Variants in FBXL5 observed in about 807,000 individuals in gnomAD.
FBXL5 encodes F-box and leucine rich repeat protein 5.
Under a neutral mutation model 78.3 loss-of-function variants are expected in FBXL5, and 26 were observed. The observed-to-expected ratio is 0.33, with a 90% CI of 0.24 to 0.46. The LOEUF is 0.46. Ranked by LOEUF, FBXL5 falls within the 20% of genes least tolerant of loss-of-function variation. The pLI, the probability that FBXL5 is intolerant of heterozygous loss-of-function variation, is 1.00. For missense variants in FBXL5, 710 were observed against 829.2 expected, an observed-to-expected ratio of 0.86 and a Z score of 1.77; for synonymous variants, 295 against 282.5, an observed-to-expected ratio of 1.04 and a Z score of -0.45.
chr4:15,656,952 CCA>C (rs1717008175), upstream of FBXL5, among the ~76,000 whole-genome samples: 1 of 150,064 alleles, frequency 6.7e-6, no homozygotes, highest in South Asian at 2.1e-4. Context: ...GACAGTACCC[CCA>C]GAGTCATTGC....
In FBXL5 at chr4:15,626,951, C is replaced by T; in HGVS notation, c.1046G>A (p.Arg349Lys). 5 of 1,607,992 alleles carry T rather than the reference C, an allele frequency of 3.1e-6. No homozygotes were observed. The highest frequency in any genetic ancestry group is 4.2e-6 in the Non-Finnish European group (5 of 1,177,032). Residue 349 changes from arginine to lysine, a missense_variant, in exon 8 of 11, where the codon AGG becomes AAG. Arg to Lys is a conservative substitution (Grantham distance 26, BLOSUM62 2). Around this residue, in one of 4 missense-constraint regions of FBXL5, gnomAD observed 517 missense variants for 542.9 expected, o/e 0.95. Coordinates refer to ENST00000341285, the MANE Select transcript of FBXL5 (RefSeq NM_012161.4). ...YSSAVSSKMV[R>K]QILELCPNLE... is the part of the protein sequence containing the mutation. The stretch of plus-strand genomic sequence containing the variant: ...GTTAGGACAAAGCTCTAAAATCTGC[C>T]TAACCTAAAAGGCAAGAAATTGTCA...
intron 4 of FBXL5, among the ~76,000 whole-genome samples, chr4:15,637,398 C>T (rs927767969): frequency 6.6e-6 from 1 of 151,974 alleles, no homozygotes; most frequent in Non-Finnish European, 1.5e-5. Context: ...TGAAGTGTTA[C>T]AATAAAAAAT....
Position 15,625,414 on chromosome 4 carries a change from A to G in FBXL5, c.1688T>C (p.Leu563Pro). 7 of 1,614,148 alleles carry G rather than the reference A, an allele frequency of 4.3e-6. No individual in the cohort carries two copies. The highest frequency in any genetic ancestry group is 5.9e-6 in the Non-Finnish European group (7 of 1,180,032). ...TCTACACATTGCAGAAGATTCTGGG[A>G]GTGATGACATAGTTCTTAAAGCTGT... ...TGTALRTMSS[L>P]PESSAMCRKA... The change falls in exon 9 of 11, where the codon CTC becomes CCC. Residue 563 changes from leucine (L) to proline (P), a missense_variant. By Grantham distance (98) the Leu-to-Pro change is moderately conservative. Around this residue, in one of 4 missense-constraint regions of FBXL5, gnomAD observed 517 missense variants for 542.9 expected, o/e 0.95. Transcript: ENST00000341285.
intron 2 of FBXL5, 27 bp from the exon 3 acceptor site, chr4:15,640,910 T>G (rs1349739032): frequency 7.9e-7 from 1 of 1,270,036 alleles, no homozygotes; most frequent in Non-Finnish European, 1.1e-6. Flanking sequence ...AAATACATTT[T>G]TATAAAAGTT....
chr4:15,655,103 C>G (rs1011416783), intron 1 of FBXL5, 101 bp downstream of exon 1: 75 of 949,194 alleles, frequency 7.9e-5, no homozygotes, highest in Non-Finnish European at 9.0e-5. Context: ...GGCGACGGCA[C>G]GGGGCTGCGG....
At chr4:15,659,296 TC>T (rs1433594733), upstream of FBXL5, among the ~76,000 whole-genome samples, 1 of 152,186 alleles carries the variant, frequency 6.6e-6, no homozygotes, top group Non-Finnish European at 1.5e-5. Context: ...ACCAAAATAC[TC>T]CTGTTATTCA....
chr4:15,636,750 T>C (rs1185866157), intron 4 of FBXL5, 74 bp from the exon 5 acceptor site: 1 of 1,153,210 alleles, frequency 8.7e-7, no homozygotes, highest in South Asian at 1.8e-5. Flanking sequence ...ATTACATTTC[T>C]ATAAACAAAA....
At chr4:15,624,075 T>C (rs1208365228) in intron 9 of FBXL5, among the ~76,000 whole-genome samples, 1 of 152,030 alleles carries the variant, frequency 6.6e-6, no homozygotes, top group African/African-American at 2.4e-5. Flanking sequence ...CCACCAGCCT[T>C]GGCCTCCCAA....
At chr4:15,654,656 G>C (rs1716604434) in intron 1 of FBXL5, among the ~76,000 whole-genome samples, 1 of 152,226 alleles carries the variant, frequency 6.6e-6, no homozygotes, top group Admixed American at 6.5e-5. Context: ...AGAAAGCCGG[G>C]GGTAAAAGGA....
intron 10 of FBXL5, 109 bp from the exon 11 acceptor site, chr4:15,605,908 T>C (rs1577412648): frequency 1.1e-5 from 8 of 758,114 alleles, no homozygotes; most frequent in East Asian, 5.4e-5. Context: ...GCAGTACTTA[T>C]ATGATAGAAG....
intron 1 of FBXL5, among the ~76,000 whole-genome samples, chr4:15,668,025 G>A (rs2148797172): frequency 7.1e-6 from 1 of 140,682 alleles, no homozygotes; most frequent in Non-Finnish European, 1.5e-5. Flanking sequence ...TGGGCAACAA[G>A]AGCAAAACTC....
chr4:15,658,607 T>C (rs773968105), upstream of FBXL5, among the ~76,000 whole-genome samples: 3 of 152,208 alleles, frequency 2.0e-5, no homozygotes, highest in South Asian at 2.1e-4. Flanking sequence ...CTTGGGACTC[T>C]GCAGAGTCGC....
chr4:15,615,980 C>T (rs1711821321), intron 9 of FBXL5, among the ~76,000 whole-genome samples: 1 of 152,174 alleles, frequency 6.6e-6, no homozygotes, highest in Non-Finnish European at 1.5e-5. Context: ...AGCTGTAACA[C>T]TCACCGCGAA....
chr4:15,626,092 A>C, intron 8 of FBXL5, 115 bp from the exon 9 acceptor site: 2 of 944,588 alleles, frequency 2.1e-6, no homozygotes, highest in East Asian at 2.7e-5. Context: ...ATAATCACTT[A>C]AGTATTTAGT....
In FBXL5 at chr4:15,612,262, T is replaced by C. The variant is rs1405704541; in HGVS notation, c.1999+4A>G. The C allele has an allele frequency of 1.3e-6, 2 of 1,570,842 alleles. No homozygotes were observed. The highest frequency in any genetic ancestry group is 1.7e-6 in the Non-Finnish European group (2 of 1,168,228). ...AAAATTATCGCACTGTTAAAAGGCA[T>C]TACCGTTAATGTTGTCACAGTAGTA... is the stretch of plus-strand genomic sequence containing the variant. On this transcript the variant is annotated splice_donor_region_variant and intron_variant, in intron 10 of 10. Coordinates refer to ENST00000341285, the MANE Select transcript of FBXL5 (RefSeq NM_012161.4).
At chr4:15,630,464 A>G (rs964247216) in intron 6 of FBXL5, among the ~76,000 whole-genome samples, 25 of 152,366 alleles carry the variant, frequency 1.6e-4, no homozygotes, top group Middle Eastern at 6.8e-3. Context: ...AAAACGAGAA[A>G]TAATCCTATG....
chr4:15,609,835 T>C lies in FBXL5; in HGVS notation c.1999+2431A>G, dbSNP rs562236323. On this transcript the variant is annotated intron_variant, in intron 10 of 10. Coordinates refer to ENST00000341285, the MANE Select transcript of FBXL5 (RefSeq NM_012161.4). ...CTGTACTGGGCACTGTTTGAATATATGATAACTAACTTATTATCTCCAAAA... is the reference window on the plus strand; with the variant it reads ...CTGTACTGGGCACTGTTTGAATATACGATAACTAACTTATTATCTCCAAAA... Among the ~76,000 whole-genome samples, 92 of 152,176 alleles carry C rather than the reference T, an allele frequency of 6.0e-4. 1 individual carries two copies. The highest frequency in any genetic ancestry group is 2.1e-3 in the African/African-American group (87 of 41,554).
At chr4:15,680,604 A>G (rs1718194935) in intron 1 of FBXL5, among the ~76,000 whole-genome samples, 1 of 152,062 alleles carries the variant, frequency 6.6e-6, no homozygotes, top group Admixed American at 6.6e-5. Flanking sequence ...TTGAACCAGG[A>G]GGCTGAGGTT....
rs576675873 is a variant in FBXL5, at chr4:15,605,380, C to T, written c.*343G>A. On this transcript the variant is annotated 3_prime_UTR_variant, in exon 11 of 11. Coordinates refer to ENST00000341285, the MANE Select transcript of FBXL5 (RefSeq NM_012161.4). ...GTACAGTGTTAATGTGTAAAGAGAA[C>T]CAATCACCTCCATGGACTTTAAAAC... 12 of 194,092 alleles carry T rather than the reference C, an allele frequency of 6.2e-5. No individual in the cohort carries two copies. The South Asian group carries it at 1.1e-3, about 18-fold the overall frequency. The allele number at this position is 194,092 out of a possible 1,614,324, so 12.0% of individuals were successfully genotyped here.
Sources: allele counts gnomAD v4.1 joint callset (sites outside exome capture counted in the v4.1 genomes callset), GRCh38; gene constraint gnomAD v4.1.1; regional missense constraint gnomAD v4.1.1; transcripts MANE v1.5; gene names NCBI Gene and HGNC (gene_info 2026-07-23, HGNC 2026-07-21).